RAPGEF2: variants seen among roughly 807,000 people sequenced by gnomAD.
RAPGEF2 encodes PDZ domain containing guanine nucleotide exchange factor (GEF) 1.
Under a neutral mutation model 186.7 loss-of-function variants are expected in RAPGEF2, and 54 were observed. That is an observed-to-expected ratio of 0.29 (90% confidence interval 0.23 to 0.36). The LOEUF is 0.36. Ranked by LOEUF, RAPGEF2 falls within the 10% of genes least tolerant of loss-of-function variation. The pLI is 1.00. For missense variants in RAPGEF2, 1,532 were observed against 2,045.0 expected (o/e 0.75, Z 4.84); for synonymous variants, 712 against 705.9 (o/e 1.01, Z -0.14).
intron 4 of RAPGEF2, among the ~76,000 whole-genome samples, chr4:159,220,302 A>G (rs540514938): frequency 6.8e-6 from 1 of 146,640 alleles, no homozygotes; most frequent in East Asian, 2.1e-4. Context: ...CAGTTGAGAG[A>G]GGTACAAAGG....
intron 1 of RAPGEF2, among the ~76,000 whole-genome samples, chr4:159,152,687 G>A (rs924888409): frequency 6.6e-6 from 1 of 152,018 alleles, no homozygotes; most frequent in Non-Finnish European, 1.5e-5. Flanking sequence ...GCACAATCTC[G>A]GCTCACTGCA....
chr4:159,198,873 A>G (rs571623968), intron 3 of RAPGEF2, among the ~76,000 whole-genome samples: 4 of 151,940 alleles, frequency 2.6e-5, no homozygotes, highest in Admixed American at 2.6e-4. Flanking sequence ...TGAGGCCAGG[A>G]GTTCGAGACC....
intron 1 of RAPGEF2, among the ~76,000 whole-genome samples, chr4:159,181,087 G>A (rs1579390568): frequency 1.3e-5 from 2 of 152,146 alleles, no homozygotes; most frequent in African/African-American, 4.8e-5. Context: ...GTATAAGAGC[G>A]TGGCCCTTAT....
chr4:159,271,609 T>A (rs903388955), intron 7 of RAPGEF2, among the ~76,000 whole-genome samples: 2 of 152,212 alleles, frequency 1.3e-5, no homozygotes, highest in Non-Finnish European at 2.9e-5. Flanking sequence ...GTACCCCAGT[T>A]TGTCTGATTT....
chr4:159,310,888 A>C (rs1316910479), intron 8 of RAPGEF2, among the ~76,000 whole-genome samples: 2 of 152,194 alleles, frequency 1.3e-5, no homozygotes, highest in Non-Finnish European at 2.9e-5. Context: ...GGAAGCTAGA[A>C]AACAATAAGT....
chr4:159,311,251 A>T (rs7349689), intron 8 of RAPGEF2, among the ~76,000 whole-genome samples: 46,361 of 152,062 alleles, frequency 0.3, 7,925 homozygotes, highest in Non-Finnish European at 0.39. Context: ...TCAATATAGG[A>T]TCACTATTTT....
intron 7 of RAPGEF2, among the ~76,000 whole-genome samples, chr4:159,262,934 C>A (rs1452959747): frequency 6.6e-6 from 1 of 151,942 alleles, no homozygotes; most frequent in South Asian, 2.1e-4. Context: ...TCAACAGATT[C>A]TTTGTGTTTC....
chr4:159,269,853 G>A (rs757812826), intron 7 of RAPGEF2, among the ~76,000 whole-genome samples: 14 of 152,074 alleles, frequency 9.2e-5, no homozygotes, highest in Non-Finnish European at 1.8e-4. Context: ...TTTAAAAAAA[G>A]AAAAGAAAAT....
At chr4:159,185,292 C>G (rs1299494472) in intron 1 of RAPGEF2, among the ~76,000 whole-genome samples, 1 of 152,122 alleles carries the variant, frequency 6.6e-6, no homozygotes, top group Non-Finnish European at 1.5e-5. Flanking sequence ...AGAGTTACCA[C>G]GTGAACCAGC....
intron 7 of RAPGEF2, among the ~76,000 whole-genome samples, chr4:159,283,582 T>A (rs1042146989): frequency 2.0e-5 from 3 of 152,194 alleles, no homozygotes; most frequent in African/African-American, 7.2e-5. Flanking sequence ...AAATGAATTA[T>A]CTAATGCCAA....
At position 159,360,028 on chromosome 4, in the gene RAPGEF2, G is replaced by A. The variant is rs1254197094; in HGVS notation, c.*1889G>A. On this transcript the variant is annotated 3_prime_UTR_variant, in exon 30 of 30. Transcript: ENST00000691494. ...CATTGGTGGAGTCTGTATCCCTTTT[G>A]TATTTTTAATACAATAATTGTACAT... is the stretch of plus-strand genomic sequence containing the variant. 1 of 152,038 alleles carries A rather than the reference G, an allele frequency of 6.6e-6. No individual in the cohort carries two copies. Among genetic ancestry groups the A allele is most frequent in the Non-Finnish European group, 1.5e-5 (1 of 68,006 alleles). 9.4% of individuals were successfully genotyped at this position (152,038 alleles called of 1,614,324 possible).
chr4:159,104,091 G>T lies in RAPGEF2; in HGVS notation c.-72G>T. ...GGCGGGCGCAGCGCGCAGGGCGGAG[G>T]CAGCAGCGGCGCTGGGCCGGGAGGA... On this transcript the variant is annotated 5_prime_UTR_variant, in exon 1 of 30. Coordinates refer to ENST00000691494, the MANE Select transcript of RAPGEF2 (RefSeq NM_001394067.2). 1.0e-6 allele frequency: 1 copy of T among 1,000,622 alleles called. No individual in the cohort carries two copies. Among genetic ancestry groups the T allele is most frequent in the South Asian group, 2.3e-5 (1 of 44,296 alleles). The allele number at this position is 1,000,622 out of a possible 1,614,324, so 62.0% of individuals were successfully genotyped here.
At chr4:159,269,196 G>A (rs190033363) in intron 7 of RAPGEF2, among the ~76,000 whole-genome samples, 1 of 152,298 alleles carries the variant, frequency 6.6e-6, no homozygotes, top group East Asian at 1.9e-4. Context: ...TGAGGTTCAT[G>A]AGTACAATTT....
In RAPGEF2 at chr4:159,340,670, C is replaced by A. The variant is rs531417107; in HGVS notation, c.2535-894C>A. The stretch of plus-strand genomic sequence containing the variant: ...ACAAAAAATACCACCACCATCACCA[C>A]ACACACACACACACACACACACACA... On this transcript the variant is annotated intron_variant, in intron 19 of 29. Coordinates refer to ENST00000691494, the MANE Select transcript of RAPGEF2 (RefSeq NM_001394067.2). Among the ~76,000 whole-genome samples, 240 of 115,164 alleles carry A rather than the reference C, an allele frequency of 2.1e-3. 7 individuals carry two copies. The highest frequency in any genetic ancestry group is 7.6e-3 in the African/African-American group (227 of 29,894). The allele number at this position is 115,164 out of a possible 152,430, so 75.6% of individuals were successfully genotyped here.
In RAPGEF2 at chr4:159,342,313, C is replaced by T. The variant is rs75992339; in HGVS notation, c.2918+366C>T. ...TAACAATACCGCAAAGAGTTATCAA[C>T]AAGATTAATGATGTAATGTGTGTGG... On this transcript the variant is annotated intron_variant, in intron 20 of 29. Coordinates refer to ENST00000691494, the MANE Select transcript of RAPGEF2 (RefSeq NM_001394067.2). 2.7e-3 allele frequency among the ~76,000 whole-genome samples: 406 copies of T among 151,584 alleles called. 1 individual carries two copies. The highest frequency in any genetic ancestry group is 9.3e-3 in the African/African-American group (383 of 41,324).
chr4:159,287,171 A>G (rs1219737003), intron 7 of RAPGEF2, among the ~76,000 whole-genome samples: 2 of 152,126 alleles, frequency 1.3e-5, no homozygotes, highest in Admixed American at 6.5e-5. Flanking sequence ...AAATTTGGGT[A>G]TAAAGACTGG....
chr4:159,315,310 T>TA (rs1354810592), intron 9 of RAPGEF2, among the ~76,000 whole-genome samples: 33 of 151,150 alleles, frequency 2.2e-4, no homozygotes, highest in African/African-American at 6.8e-4. Context: ...TTTTTTTTTT[T>TA]AATTTTTATT....
At chr4:159,119,310 TG>T (rs895947236) in intron 1 of RAPGEF2, among the ~76,000 whole-genome samples, 24 of 152,066 alleles carry the variant, frequency 1.6e-4, no homozygotes, top group African/African-American at 5.5e-4. Context: ...AGGAGAGGGG[TG>T]GGTGTTAAAT....
chr4:159,305,623 G>A lies in RAPGEF2; in HGVS notation c.675+1150G>A, dbSNP rs1482603285. Among the ~76,000 whole-genome samples the A allele has an allele frequency of 3.9e-5, 6 of 152,060 alleles. No individual in the cohort carries two copies. The East Asian group carries it at 7.7e-4, about 19-fold the overall frequency. ...TAGCAAATATTTCTCCCATTATACC[G>A]ATTATGTGTTCACTCTGTTGATTAT... On this transcript the variant is annotated intron_variant, in intron 8 of 29. Coordinates refer to ENST00000691494, the MANE Select transcript of RAPGEF2 (RefSeq NM_001394067.2).
Sources: allele counts gnomAD v4.1 joint callset (sites outside exome capture counted in the v4.1 genomes callset), GRCh38; gene constraint gnomAD v4.1.1; transcripts MANE v1.5; gene names NCBI Gene and HGNC (gene_info 2026-07-23, HGNC 2026-07-21).